The following ZNF407 variants were observed in gnomAD, a reference collection of about 807,000 sequenced individuals.
ZNF407 encodes the protein zinc finger protein 407.
A neutral mutation model predicts 131.2 loss-of-function variants in ZNF407; 17 were observed. The observed-to-expected ratio is 0.13, with a 90% CI of 0.09 to 0.19. The LOEUF (loss-of-function observed/expected upper bound fraction) is 0.19. Among genes scored for constraint, ZNF407 ranks in the 10% least tolerant of loss-of-function variants. The probability of loss-of-function intolerance (pLI) is 1.00; values close to 1 mark genes in which losing one functional copy is unlikely to be tolerated. For synonymous variants in ZNF407, 1,156 were observed against 1,062.0 expected, an observed-to-expected ratio of 1.09 and a Z score of -1.72; for missense variants, 2,681 against 2,830.6, an observed-to-expected ratio of 0.95 and a Z score of 1.20.
chr18:74,800,305 C>A (rs1464087669), intron 4 of ZNF407, among the ~76,000 whole-genome samples: 3 of 151,980 alleles, frequency 2.0e-5, no homozygotes, highest in African/African-American at 7.2e-5. Context: ...TTTGTGCATT[C>A]CCCTGCTTTT....
At chr18:74,669,829 C>A (rs1257096529) in intron 3 of ZNF407, among the ~76,000 whole-genome samples, 1 of 152,180 alleles carries the variant, frequency 6.6e-6, no homozygotes, top group Non-Finnish European at 1.5e-5. Context: ...AAAGTTGTTA[C>A]AAAAATAATT....
At chr18:74,915,359 TG>T (rs1971735890) in intron 7 of ZNF407, among the ~76,000 whole-genome samples, 1 of 147,210 alleles carries the variant, frequency 6.8e-6, no homozygotes, top group Non-Finnish European at 1.5e-5. Flanking sequence ...TGTGCATGTG[TG>T]TGCTGGTATG....
intron 8 of ZNF407, among the ~76,000 whole-genome samples, chr18:75,034,541 A>C (rs1401295020): frequency 6.6e-6 from 1 of 150,436 alleles, no homozygotes; most frequent in African/African-American, 2.4e-5. Context: ...TGACCTCGTG[A>C]TCCGCCCGTC....
intron 1 of ZNF407, among the ~76,000 whole-genome samples, chr18:74,626,929 G>C (rs184855545): frequency 1.3e-5 from 2 of 152,310 alleles, no homozygotes; most frequent in Non-Finnish European, 2.9e-5. Context: ...TCCTGATAGG[G>C]ATTCCTGGGA....
intron 7 of ZNF407, among the ~76,000 whole-genome samples, chr18:74,900,542 A>T (rs894725186): frequency 1.3e-5 from 2 of 152,228 alleles, no homozygotes; most frequent in Non-Finnish European, 2.9e-5. Flanking sequence ...GCTAGCTAAC[A>T]GTTTAGTGTA....
At chr18:75,049,100 G>GT (rs1211077663) in intron 8 of ZNF407, among the ~76,000 whole-genome samples, 27 of 105,442 alleles carry the variant, frequency 2.6e-4, no homozygotes, top group African/African-American at 8.6e-4. Context: ...TTTTTTTTTG[G>GT]GTGGGGGGGG....
intron 3 of ZNF407, among the ~76,000 whole-genome samples, chr18:74,666,477 C>T (rs184797676): frequency 2.2e-4 from 34 of 152,280 alleles, no homozygotes; most frequent in Middle Eastern, 3.4e-3. Flanking sequence ...AGTTGCCTTC[C>T]GTGTCTGGAG....
chr18:75,040,979 T>C (rs1292010369), intron 8 of ZNF407, among the ~76,000 whole-genome samples: 4 of 152,190 alleles, frequency 2.6e-5, no homozygotes, highest in Non-Finnish European at 5.9e-5. Context: ...ATTACTTTGG[T>C]GGCAAGCAGT....
At chr18:74,921,191 G>A in intron 8 of ZNF407, 1 of 245,762 alleles carries the variant, frequency 4.1e-6, no homozygotes, top group Non-Finnish European at 6.5e-6. Flanking sequence ...TTGGGAGGGG[G>A]CTGGCCCTAG....
intron 5 of ZNF407, among the ~76,000 whole-genome samples, 170 bp downstream of exon 5, chr18:74,877,533 T>C (rs533463330): frequency 3.3e-5 from 5 of 152,386 alleles, no homozygotes; most frequent in South Asian, 4.1e-4. Context: ...TTCATTATTT[T>C]TCAGTGAGAA....
Position 75,062,830 on chromosome 18 carries a change from G to C in ZNF407, c.5429-320G>C, listed in dbSNP as rs1025096857. On this transcript the variant is annotated intron_variant, in intron 8 of 8. Coordinates refer to ENST00000299687, the MANE Select transcript of ZNF407 (RefSeq NM_017757.3). ...GTTACAAAAGACATGATGGTGGTTGGGGGGAGGTATCCAGCCTCCTTCCCT... is the reference window on the plus strand; with the variant it reads ...GTTACAAAAGACATGATGGTGGTTGCGGGGAGGTATCCAGCCTCCTTCCCT... 5.8e-4 allele frequency: 136 copies of C among 232,896 alleles called. 1 individual carries two copies. The highest frequency in any genetic ancestry group is 2.3e-3 in the Admixed American group (41 of 17,898). The allele number at this position is 232,896 out of a possible 1,614,324, so 14.4% of individuals were successfully genotyped here.
chr18:75,064,365 G>A lies in ZNF407; in HGVS notation c.6644G>A (p.Arg2215Lys). ...GGCACAGAGGCCGGGGCCCCAAGCA[G>A]GGCAGAGCAGCTGGCCAGCGTGGTC... Reference protein sequence around the residue: ...TLGTEAGAPSRAEQLASVVIY... With the variant: ...TLGTEAGAPSKAEQLASVVIY... Residue 2215 changes from arginine to lysine, a missense_variant, in exon 9 of 9, where the codon AGG becomes AAG. Physicochemically the swap from Arg to Lys is conservative, Grantham distance 26 (BLOSUM62 2). This residue lies in a region of ZNF407 where 620 missense variants were observed against 583.1 expected (regional missense o/e 1.06). Coordinates refer to ENST00000299687, the MANE Select transcript of ZNF407 (RefSeq NM_017757.3). 1 of 1,581,110 alleles carries A rather than the reference G, an allele frequency of 6.3e-7. No individual in the cohort carries two copies. The highest frequency in any genetic ancestry group is 8.6e-7 in the Non-Finnish European group (1 of 1,164,214).
intron 8 of ZNF407, among the ~76,000 whole-genome samples, chr18:74,949,025 C>T (rs1972184865): frequency 6.6e-6 from 1 of 152,134 alleles, no homozygotes; most frequent in South Asian, 2.1e-4. Flanking sequence ...AGTCTACAGC[C>T]AGCCATGGTG....
intron 3 of ZNF407, among the ~76,000 whole-genome samples, chr18:74,693,836 T>C (rs1258108183): frequency 6.6e-6 from 1 of 152,230 alleles, no homozygotes; most frequent in Non-Finnish European, 1.5e-5. Flanking sequence ...TACCTGTCTC[T>C]AGCCCTTCTC....
intron 3 of ZNF407, among the ~76,000 whole-genome samples, chr18:74,669,479 T>C (rs1986058518): frequency 6.6e-6 from 1 of 151,830 alleles, no homozygotes; most frequent in African/African-American, 2.4e-5. Context: ...CCAATCACGG[T>C]GTTTGCCTTT....
At chr18:74,874,886 T>C (rs1157336787) in intron 4 of ZNF407, among the ~76,000 whole-genome samples, 2 of 152,172 alleles carry the variant, frequency 1.3e-5, no homozygotes, top group Non-Finnish European at 2.9e-5. Flanking sequence ...CAGTGGGTAT[T>C]CAGGTGTTTC....
At chr18:74,808,556 A>T (rs1046082316) in intron 4 of ZNF407, among the ~76,000 whole-genome samples, 8 of 152,212 alleles carry the variant, frequency 5.3e-5, no homozygotes, top group Non-Finnish European at 7.3e-5. Context: ...AGAATAAGGG[A>T]AAGTCTAATG....
intron 8 of ZNF407, among the ~76,000 whole-genome samples, chr18:75,056,536 G>A (rs926288107): frequency 6.6e-6 from 1 of 152,174 alleles, no homozygotes; most frequent in African/African-American, 2.4e-5. Context: ...AGGAACTTGA[G>A]GAAGTTCACA....
At chr18:74,871,308 A>G (rs1277171842) in intron 4 of ZNF407, among the ~76,000 whole-genome samples, 1 of 152,168 alleles carries the variant, frequency 6.6e-6, no homozygotes. Flanking sequence ...GTATATTATC[A>G]TATAATTATT....
Sources: gnomAD v4.1 joint callset for allele counts (sites outside exome capture counted in the v4.1 genomes callset) on GRCh38, gnomAD v4.1.1 for gene constraint, gnomAD v4.1.1 regional missense constraint, MANE v1.5 for transcripts, NCBI Gene and HGNC (gene_info 2026-07-23, HGNC 2026-07-21) for gene names.